Variants in SLITRK6 observed in about 807,000 individuals in gnomAD.
SLITRK6 encodes SLIT and NTRK-like protein 6.
In SLITRK6, 35 loss-of-function variants were observed where a neutral mutation model predicts 55.6. The ratio of observed to expected loss-of-function variants is 0.63; its 90% CI spans 0.48 to 0.83. The LOEUF (loss-of-function observed/expected upper bound fraction) is 0.83. Ranked by LOEUF, SLITRK6 falls within the 40% of genes least tolerant of loss-of-function variation. The pLI, the probability that SLITRK6 is intolerant of heterozygous loss-of-function variation, is 0.00. For missense variants in SLITRK6, 977 were observed against 986.4 expected (o/e 0.99, Z 0.13); for synonymous variants, 392 against 359.6 (o/e 1.09, Z -1.02).
rs35342386 is a variant in SLITRK6 at position 85,796,287 on chromosome 13, G to A, written c.222C>T (p.Asn74=). 26,731 of 1,611,612 alleles carry A rather than the reference G, an allele frequency of 0.017. 248 individuals carry two copies. Among genetic ancestry groups the A allele is most frequent in the African/African-American group, 0.033 (2,470 of 74,854 alleles). Residue 74 remains asparagine (N), a synonymous_variant, in exon 2 of 2, where the codon AAC becomes AAT. Coordinates refer to ENST00000647374, the MANE Select transcript of SLITRK6 (RefSeq NM_032229.3). ...CATTTGTGTGAAGCATCGTCAAGCCGTTATTTAATAAGCTTAGTTGGAAAG... is the reference window on the plus strand; with the variant it reads ...CATTTGTGTGAAGCATCGTCAAGCCATTATTTAATAAGCTTAGTTGGAAAG... ...SRPFQLSLLN[N]GLTMLHTNDF...
In SLITRK6 at chr13:85,794,116, T is replaced by C; in HGVS notation, c.2393A>G (p.Lys798Arg). The C allele has an allele frequency of 6.2e-7, 1 of 1,613,134 alleles. No homozygotes were observed. Among genetic ancestry groups the C allele is most frequent in the South Asian group, 1.1e-5 (1 of 91,054 alleles). Residue 798 changes from lysine (K) to arginine (R), a missense_variant, in exon 2 of 2, where the codon AAG becomes AGG. Physicochemically the swap from Lys to Arg is conservative, Grantham distance 26 (BLOSUM62 2). Coordinates refer to ENST00000647374, the MANE Select transcript of SLITRK6 (RefSeq NM_032229.3). Reference protein sequence around the residue: ...AHYPGAHEELKLMETLMYSRP... With the variant: ...AHYPGAHEELRLMETLMYSRP... ...TGAGTACATTAATGTTTCCATTAAC[T>C]TCAGCTCTTCGTGGGCTCCAGGATA...
In SLITRK6 at chr13:85,798,004, C is replaced by T. The variant is rs531266995; in HGVS notation, c.-25+910G>A. On this transcript the variant is annotated intron_variant, in intron 1 of 1. Transcript: ENST00000647374. ...GTAAAACATACCAGAACCCAATCAA[C>T]AATCCTGAAAGTAAACTTGCATTCC... Among the ~76,000 whole-genome samples the T allele has an allele frequency of 3.3e-5, 5 of 151,996 alleles. No individual in the cohort carries two copies. In the South Asian group the frequency reaches 1.0e-3, roughly 32 times the overall value.
At chr13:85,797,448 AAC>A (rs2137171226) in intron 1 of SLITRK6, among the ~76,000 whole-genome samples, 1 of 151,892 alleles carries the variant, frequency 6.6e-6, no homozygotes, top group South Asian at 2.1e-4. Context: ...ATTAATCTTT[AAC>A]ACACATTTCA....
chr13:85,794,292 G>A lies in SLITRK6; in HGVS notation c.2217C>T (p.Thr739=), dbSNP rs769503176. The A allele has an allele frequency of 3.1e-6, 5 of 1,613,228 alleles. No individual in the cohort carries two copies. The Admixed American group carries it at 6.7e-5, about 22-fold the overall frequency. ...ATAAAAATTCTGTTGATTGGTTCGTGGTTTTGTATTTCATATTTGACCCTG... is the reference window on the plus strand; with the variant it reads ...ATAAAAATTCTGTTGATTGGTTCGTAGTTTTGTATTTCATATTTGACCCTG... The part of the protein sequence containing the change: ...PLTGSNMKYK[T]TNQSTEFLSF... Residue 739 remains threonine (T), a synonymous_variant, in exon 2 of 2, where the codon ACC becomes ACT. Coordinates refer to ENST00000647374, the MANE Select transcript of SLITRK6 (RefSeq NM_032229.3).
At chr13:85,797,645 T>C (rs1373868234) in intron 1 of SLITRK6, among the ~76,000 whole-genome samples, 1 of 151,796 alleles carries the variant, frequency 6.6e-6, no homozygotes, top group Non-Finnish European at 1.5e-5. Context: ...ATTAAACTTT[T>C]TGATGATATT....
chr13:85,794,738 T>A lies in SLITRK6; in HGVS notation c.1771A>T (p.Thr591Ser). Residue 591 changes from threonine (T) to serine (S), a missense_variant, in exon 2 of 2, where the codon ACA becomes TCA. Physicochemically the swap from Thr to Ser is moderately conservative, Grantham distance 58 (BLOSUM62 1). Coordinates refer to ENST00000647374, the MANE Select transcript of SLITRK6 (RefSeq NM_032229.3). ...CGTAAAATAGTATCAGCCGTATTTG[T>A]TGTTGTTGCAGGAGTGGTGACCATA... ...YLMVTTPATT[T>S]NTADTILRSL... 1 of 1,613,210 alleles carries A rather than the reference T, an allele frequency of 6.2e-7. No individual in the cohort carries two copies.
At position 85,792,954 on chromosome 13, in the gene SLITRK6, C is replaced by G. The variant is rs549270329; in HGVS notation, c.*1029G>C. The stretch of plus-strand genomic sequence containing the variant: ...TAAAATAAAGCTACATTGTCCCTCT[C>G]TTGAGGCAACTTAAACCACTTACCT... On this transcript the variant is annotated 3_prime_UTR_variant, in exon 2 of 2. Coordinates refer to ENST00000647374, the MANE Select transcript of SLITRK6 (RefSeq NM_032229.3). 6.6e-6 allele frequency: 1 copy of G among 152,130 alleles called. No individual in the cohort carries two copies. Among genetic ancestry groups the G allele is most frequent in the Non-Finnish European group, 1.5e-5 (1 of 67,804 alleles). The allele number at this position is 152,130 out of a possible 1,614,324, so 9.4% of individuals were successfully genotyped here.
In SLITRK6 at chr13:85,795,792, C is replaced by T. The variant is rs1281367133; in HGVS notation, c.717G>A (p.Gln239=). The T allele has an allele frequency of 1.9e-6, 3 of 1,612,776 alleles. No homozygotes were observed. The highest frequency in any genetic ancestry group is 2.7e-5 in the African/African-American group (2 of 74,812). ...LKTWLENMPP[Q]SIIGDVVCNS... is the part of the protein sequence containing the mutation. ...TGCAGACAACATCACCAATTATAGACTGTGGAGGCATGTTCTCCAACCAAG... is the reference window on the plus strand; with the variant it reads ...TGCAGACAACATCACCAATTATAGATTGTGGAGGCATGTTCTCCAACCAAG... The change falls in exon 2 of 2, where the codon CAG becomes CAA. Residue 239 remains glutamine (Q), a synonymous_variant. Coordinates refer to ENST00000647374, the MANE Select transcript of SLITRK6 (RefSeq NM_032229.3).
rs1347989941 is a variant in SLITRK6, at chr13:85,793,397, CAA to C, written c.*584_*585del. 1 of 152,238 alleles carries C rather than the reference CAA, an allele frequency of 6.6e-6. No homozygotes were observed. Among genetic ancestry groups the C allele is most frequent in the Admixed American group, 6.6e-5 (1 of 15,174 alleles). 9.4% of individuals were successfully genotyped at this position (152,238 alleles called of 1,614,324 possible). On this transcript the variant is annotated 3_prime_UTR_variant, in exon 2 of 2. Transcript: ENST00000647374. ...TGGCATTTGTTTAAGCTCAAATGTTCAAAGTTTTGAGCCACCCATGGCCTATA... is the reference window on the plus strand; with the variant it reads ...TGGCATTTGTTTAAGCTCAAATGTTCAGTTTTGAGCCACCCATGGCCTATA...
chr13:85,795,343 A>G lies in SLITRK6; in HGVS notation c.1166T>C (p.Leu389Ser). 6.2e-7 allele frequency: 1 copy of G among 1,612,854 alleles called. No homozygotes were observed. The highest frequency in any genetic ancestry group is 8.5e-7 in the Non-Finnish European group (1 of 1,179,394). ...MKSDLVEYFT[L>S]EMLHLGNNRI... The stretch of plus-strand genomic sequence containing the variant: ...ATTGTTTCCCAAGTGAAGCATTTCC[A>G]AAGTGAAATATTCCACTAGATCAGA... Residue 389 changes from leucine (L) to serine (S), a missense_variant, in exon 2 of 2, where the codon TTG (leucine) becomes TCG (serine). Physicochemically the swap from Leu to Ser is moderately radical, Grantham distance 145 (BLOSUM62 -2). Coordinates refer to ENST00000647374, the MANE Select transcript of SLITRK6 (RefSeq NM_032229.3).
In SLITRK6 at chr13:85,795,272, A is replaced by G. The variant is rs777639886; in HGVS notation, c.1237T>C (p.Leu413=). 6.2e-7 allele frequency: 1 copy of G among 1,612,668 alleles called. No homozygotes were observed. ...TTACCATTTAGATAGAGTTTTTGTA[A>G]TCTCGTTAGGTTCATAAACGATCCT... The part of the protein sequence containing the change: ...EEGSFMNLTR[L]QKLYLNGNHL... The change falls in exon 2 of 2, where the codon TTA becomes CTA. Residue 413 remains leucine (L), a synonymous_variant. Coordinates refer to ENST00000647374, the MANE Select transcript of SLITRK6 (RefSeq NM_032229.3).
Position 85,793,208 on chromosome 13 carries a change from A to T in SLITRK6, c.*775T>A, listed in dbSNP as rs1031544375. 6.6e-6 allele frequency: 1 copy of T among 151,784 alleles called. No individual in the cohort carries two copies. Among genetic ancestry groups the T allele is most frequent in the African/African-American group, 2.4e-5 (1 of 41,394 alleles). 9.4% of individuals were successfully genotyped at this position (151,784 alleles called of 1,614,324 possible). A position where few individuals can be genotyped will look rare whatever the true frequency, so the allele number is the denominator to read the frequency against. ...CTCAGTAGCATTTTTAAAATATCCC[A>T]AGAAGAAGAATTAAACTTTGAGCAT... is the stretch of plus-strand genomic sequence containing the variant. On this transcript the variant is annotated 3_prime_UTR_variant, in exon 2 of 2. Coordinates refer to ENST00000647374, the MANE Select transcript of SLITRK6 (RefSeq NM_032229.3).
In SLITRK6 at chr13:85,796,095, C is replaced by T. The variant is rs375293949; in HGVS notation, c.414G>A (p.Leu138=). 22 of 1,612,362 alleles carry T rather than the reference C, an allele frequency of 1.4e-5. No individual in the cohort carries two copies. The highest frequency in any genetic ancestry group is 2.5e-6 in the Non-Finnish European group (3 of 1,179,316). ...AATTGTTATCTGCTTGCAGGAATTCCAGGTTTTCCAGTCCATGGAAAGTAT... is the reference window on the plus strand; with the variant it reads ...AATTGTTATCTGCTTGCAGGAATTCTAGGTTTTCCAGTCCATGGAAAGTAT... ...KEDTFHGLEN[L]EFLQADNNFI... Residue 138 remains leucine, a synonymous_variant, in exon 2 of 2, where the codon CTG becomes CTA. Coordinates refer to ENST00000647374, the MANE Select transcript of SLITRK6 (RefSeq NM_032229.3).
At chr13:85,798,578 A>G (rs181426558) in intron 1 of SLITRK6, among the ~76,000 whole-genome samples, 1 of 152,172 alleles carries the variant, frequency 6.6e-6, no homozygotes, top group Non-Finnish European at 1.5e-5. Context: ...GAATTATTCA[A>G]TATTCTGCTT....
rs565973487 is a variant in SLITRK6 at position 85,795,717 on chromosome 13, T to A, written c.792A>T (p.Glu264Asp). 1 of 1,612,900 alleles carries A rather than the reference T, an allele frequency of 6.2e-7. No individual in the cohort carries two copies. The highest frequency in any genetic ancestry group is 1.3e-5 in the African/African-American group (1 of 74,966). Residue 264 changes from glutamate to aspartate, a missense_variant, in exon 2 of 2, where the codon GAA becomes GAT. Transcript: ENST00000647374. ...KGSILSRLKK[E>D]SICPTPPVYE... is the part of the protein sequence containing the mutation. ...ACACTGGTGGAGTAGGGCAAATAGA[T>A]TCCTTCTTTAGTCTACTGAGTATAC...
At chr13:85,798,355 T>C (rs575814552) in intron 1 of SLITRK6, among the ~76,000 whole-genome samples, 4 of 152,098 alleles carry the variant, frequency 2.6e-5, no homozygotes, top group Non-Finnish European at 4.4e-5. Context: ...TGATAAACTC[T>C]TGTTATTTTG....
chr13:85,795,104 T>G lies in SLITRK6; in HGVS notation c.1405A>C (p.Asn469His). The change falls in exon 2 of 2, where the codon AAC becomes CAC. Residue 469 changes from asparagine to histidine, a missense_variant. Asn to His is a moderately conservative substitution (Grantham distance 68). Coordinates refer to ENST00000647374, the MANE Select transcript of SLITRK6 (RefSeq NM_032229.3). Reference sequence around the variant, plus strand: ...TGTGGTGGTAAAACTTGGAGGAGGTTGTTATTTAAATACAGGACTTTAAGT... The same window carrying G: ...TGTGGTGGTAAAACTTGGAGGAGGTGGTTATTTAAATACAGGACTTTAAGT... ...PKLKVLYLNN[N>H]LLQVLPPHIF... The G allele has an allele frequency of 1.2e-6, 2 of 1,613,034 alleles. No individual in the cohort carries two copies. Among genetic ancestry groups the G allele is most frequent in the Non-Finnish European group, 1.7e-6 (2 of 1,179,398 alleles).
At position 85,794,734 on chromosome 13, in the gene SLITRK6, TTTG is replaced by T. The variant is rs780214142; in HGVS notation, c.1772_1774del (p.Thr591del). On this transcript the variant is annotated inframe_deletion, in exon 2 of 2. Coordinates refer to ENST00000647374, the MANE Select transcript of SLITRK6 (RefSeq NM_032229.3). ...AGATCGTAAAATAGTATCAGCCGTA[TTTG>T]TTGTTGTTGCAGGAGTGGTGACCAT... 7.4e-6 allele frequency: 12 copies of T among 1,613,210 alleles called. No homozygotes were observed. In the African/African-American group the frequency reaches 1.3e-4, roughly 18 times the overall value.
intron 1 of SLITRK6, among the ~76,000 whole-genome samples, chr13:85,798,267 T>G (rs535053996): frequency 6.6e-6 from 1 of 152,114 alleles, no homozygotes; most frequent in South Asian, 2.1e-4. Flanking sequence ...TAAAAGTACT[T>G]ATTCATAAAT....
Sources: gnomAD v4.1 joint callset for allele counts (sites outside exome capture counted in the v4.1 genomes callset) on GRCh38, gnomAD v4.1.1 for gene constraint, MANE v1.5 for transcripts, NCBI Gene and HGNC (gene_info 2026-07-23, HGNC 2026-07-21) for gene names.